PLD5: variants seen among roughly 807,000 people sequenced by gnomAD.
PLD5 encodes the protein phospholipase D family member 5, also known as inactive phospholipase D5.
In PLD5, 36 loss-of-function variants were observed where a neutral mutation model predicts 61.1. The observed-to-expected ratio is 0.59, with a 90% CI of 0.45 to 0.78. The LOEUF (loss-of-function observed/expected upper bound fraction) is 0.78. PLD5 is among the 30% of genes least tolerant of loss of function. The pLI is 0.00. For synonymous variants in PLD5, 243 were observed against 242.8 expected, an observed-to-expected ratio of 1.00 and a Z score of -0.01; for missense variants, 515 against 644.4, an observed-to-expected ratio of 0.80 and a Z score of 2.17.
chr1:242,276,080 G>A (rs1333187732), intron 3 of PLD5, among the ~76,000 whole-genome samples: 1 of 152,108 alleles, frequency 6.6e-6, no homozygotes, highest in Non-Finnish European at 1.5e-5. Context: ...GCTCATGCCT[G>A]TAATCACAAC....
intron 5 of PLD5, among the ~76,000 whole-genome samples, chr1:242,185,815 C>G (rs1271041553): frequency 6.6e-6 from 1 of 151,854 alleles, no homozygotes; most frequent in Non-Finnish European, 1.5e-5. Flanking sequence ...GAGTCTTTTA[C>G]TATATTTTTT....
intron 5 of PLD5, among the ~76,000 whole-genome samples, chr1:242,135,014 G>C (rs1252710138): frequency 1.3e-5 from 2 of 152,150 alleles, no homozygotes; most frequent in Non-Finnish European, 2.9e-5. Context: ...TTGATTTCCA[G>C]CTCTCCAGCC....
At chr1:242,449,515 C>A in intron 1 of PLD5, 1 of 1,488,106 alleles carries the variant, frequency 6.7e-7, no homozygotes, top group South Asian at 1.3e-5. Context: ...AATTGCTGGC[C>A]TCAATGCTTT....
At chr1:242,484,436 T>C (rs1016295319) in intron 1 of PLD5, among the ~76,000 whole-genome samples, 25 of 152,204 alleles carry the variant, frequency 1.6e-4, no homozygotes, top group African/African-American at 5.5e-4. Flanking sequence ...AACACCTCTA[T>C]GCAAATAAAC....
intron 2 of PLD5, among the ~76,000 whole-genome samples, chr1:242,305,957 G>C (rs368361507): frequency 7.2e-5 from 11 of 152,168 alleles, no homozygotes; most frequent in Admixed American, 3.3e-4. Flanking sequence ...AACTGGAAAG[G>C]GGGGGAAGTC....
intron 1 of PLD5, among the ~76,000 whole-genome samples, chr1:242,516,787 G>C (rs1232033111): frequency 6.6e-6 from 1 of 152,088 alleles, no homozygotes; most frequent in African/African-American, 2.4e-5. Context: ...AGATTGTCTT[G>C]GCTATTGTTG....
At chr1:242,206,081 T>A (rs892747894) in intron 5 of PLD5, among the ~76,000 whole-genome samples, 1 of 152,228 alleles carries the variant, frequency 6.6e-6, no homozygotes, top group Non-Finnish European at 1.5e-5. Flanking sequence ...TCAGTAGCTT[T>A]AGGTTCAGCA....
Position 242,393,201 on chromosome 1 carries a change from C to CA in PLD5, c.190-44960dup, listed in dbSNP as rs573903104. ...CCTGGATAAGACGACGACTCCGTCT[C>CA]AAAAAAATATATATATATATATGAG... On this transcript the variant is annotated intron_variant, in intron 1 of 9. Transcript: ENST00000536534. Among the ~76,000 whole-genome samples, 302 of 73,208 alleles carry CA rather than the reference C, an allele frequency of 4.1e-3. 1 individual carries two copies. The highest frequency in any genetic ancestry group is 0.016 in the East Asian group (47 of 3,018). 48.0% of individuals were successfully genotyped at this position (73,208 alleles called of 152,430 possible). A position where few individuals can be genotyped will look rare whatever the true frequency, so the allele number is the denominator to read the frequency against.
intron 5 of PLD5, among the ~76,000 whole-genome samples, chr1:242,162,275 C>A (rs1465558264): frequency 6.6e-6 from 1 of 152,194 alleles, no homozygotes; most frequent in East Asian, 1.9e-4. Flanking sequence ...TTTCTTTCTC[C>A]TCCAGATAAA....
chr1:242,303,589 G>A (rs1676183045), intron 2 of PLD5, among the ~76,000 whole-genome samples: 1 of 152,138 alleles, frequency 6.6e-6, no homozygotes, highest in Non-Finnish European at 1.5e-5. Flanking sequence ...ATTTATCCTT[G>A]GATTTATTTA....
intron 1 of PLD5, among the ~76,000 whole-genome samples, chr1:242,381,199 C>A (rs535564324): frequency 1.3e-5 from 2 of 152,274 alleles, no homozygotes; most frequent in African/African-American, 2.4e-5. Flanking sequence ...ACATATGCCC[C>A]ATGGAATATT....
At chr1:242,220,285 G>C (rs1670483299) in intron 4 of PLD5, among the ~76,000 whole-genome samples, 170 bp from the exon 5 acceptor site, 1 of 150,728 alleles carries the variant, frequency 6.6e-6, no homozygotes, top group African/African-American at 2.4e-5. Context: ...GTATTATTTT[G>C]TTCCCTAAAA....
intron 1 of PLD5, among the ~76,000 whole-genome samples, chr1:242,482,138 A>C (rs1278895217): frequency 1.3e-5 from 2 of 152,222 alleles, no homozygotes; most frequent in Non-Finnish European, 2.9e-5. Context: ...GAAAATTCTA[A>C]AAATCAGAGC....
chr1:242,454,202 G>A (rs1250783118), intron 1 of PLD5, among the ~76,000 whole-genome samples: 2 of 151,822 alleles, frequency 1.3e-5, no homozygotes, highest in Non-Finnish European at 2.9e-5. Flanking sequence ...GTGTGGTGGC[G>A]GTCACCTGTA....
Position 242,449,334 on chromosome 1 carries a change from A to G in PLD5, c.189+74754T>C, listed in dbSNP as rs1666686497. The G allele has an allele frequency of 2.0e-6, 3 of 1,536,098 alleles. No homozygotes were observed. The African/African-American group carries it at 4.1e-5, about 21-fold the overall frequency. Reference sequence around the variant, plus strand: ...CCCAGGTAACACACTAGGTCTGTAGAAAACTCCAGAGTTTCTTACCATTGC... The same window carrying G: ...CCCAGGTAACACACTAGGTCTGTAGGAAACTCCAGAGTTTCTTACCATTGC... On this transcript the variant is annotated intron_variant, in intron 1 of 9. Coordinates refer to ENST00000536534, the MANE Select transcript of PLD5 (RefSeq NM_001372062.1).
chr1:242,510,574 G>A (rs552567371), intron 1 of PLD5, among the ~76,000 whole-genome samples: 33 of 152,296 alleles, frequency 2.2e-4, no homozygotes, highest in African/African-American at 7.2e-4. Flanking sequence ...GGCCCGGTGC[G>A]GTGGCTCACG....
chr1:242,166,776 G>T (rs1285658260), intron 5 of PLD5, among the ~76,000 whole-genome samples: 1 of 152,126 alleles, frequency 6.6e-6, no homozygotes, highest in Non-Finnish European at 1.5e-5. Context: ...TGACCAAATA[G>T]ATGCTGACTG....
rs1162808490 is a variant in PLD5 at position 242,084,750 on chromosome 1, GTTTTTTTTTTTTTT to G, written c.*5090_*5103del. On this transcript the variant is annotated 3_prime_UTR_variant, in exon 10 of 10. Coordinates refer to ENST00000536534, the MANE Select transcript of PLD5 (RefSeq NM_001372062.1). ...CTCAGAATGAACATTTATTGGAAAG[GTTTTTTTTTTTTTT>G]TTTTTTTTTTTTTTAGAGAAAGAGA... The G allele has an allele frequency of 1.4e-5, 1 of 73,604 alleles. No individual in the cohort carries two copies. 4.6% of individuals were successfully genotyped at this position (73,604 alleles called of 1,614,324 possible). A position where few individuals can be genotyped will look rare whatever the true frequency, so the allele number is the denominator to read the frequency against.
intron 1 of PLD5, among the ~76,000 whole-genome samples, chr1:242,395,294 C>T (rs923274859): frequency 1.3e-5 from 2 of 151,978 alleles, no homozygotes; most frequent in South Asian, 2.1e-4. Context: ...TCCTTATTCC[C>T]TTCCCCTACG....
Sources: gnomAD v4.1 joint callset for allele counts (sites outside exome capture counted in the v4.1 genomes callset) on GRCh38, gnomAD v4.1.1 for gene constraint, MANE v1.5 for transcripts, NCBI Gene and HGNC (gene_info 2026-07-23, HGNC 2026-07-21) for gene names.